Variants in GUCY2C observed in about 807,000 individuals in gnomAD.
The protein encoded by GUCY2C is guanylyl cyclase C.
A neutral mutation model predicts 131.1 loss-of-function variants in GUCY2C; 118 were observed. The observed-to-expected ratio is 0.90, with a 90% CI of 0.78 to 1.05. The LOEUF is 1.05. GUCY2C is among the 50% of genes least tolerant of loss of function. GUCY2C has a pLI of 0.00. For missense variants in GUCY2C, 1,161 were observed against 1,304.4 expected (o/e 0.89, Z 1.69); for synonymous variants, 452 against 457.8 (o/e 0.99, Z 0.16).
At position 14,639,965 on chromosome 12, in the gene GUCY2C, A is replaced by G. The variant is rs1427875436; in HGVS notation, c.2069-15T>C. 6.7e-7 allele frequency: 1 copy of G among 1,496,126 alleles called. No individual in the cohort carries two copies. Among genetic ancestry groups the G allele is most frequent in the Non-Finnish European group, 9.3e-7 (1 of 1,072,472 alleles). The allele number at this position is 1,496,126 out of a possible 1,614,324, so 92.7% of individuals were successfully genotyped here. A position where few individuals can be genotyped will look rare whatever the true frequency, so the allele number is the denominator to read the frequency against. On this transcript the variant is annotated splice_polypyrimidine_tract_variant and intron_variant, in intron 18 of 26. Coordinates refer to ENST00000261170, the MANE Select transcript of GUCY2C (RefSeq NM_004963.4). Reference sequence around the variant, plus strand: ...GAAAATCTTCTCTGGTTGGGTGAGAAAAATATAAATTACAAAGAAGAATAC... The same window carrying G: ...GAAAATCTTCTCTGGTTGGGTGAGAGAAATATAAATTACAAAGAAGAATAC...
chr12:14,679,130 T>A (rs1439306702), intron 6 of GUCY2C, among the ~76,000 whole-genome samples: 1 of 152,230 alleles, frequency 6.6e-6, no homozygotes, highest in African/African-American at 2.4e-5. Flanking sequence ...GGGGCTGACA[T>A]TACCAGGAAC....
intron 3 of GUCY2C, among the ~76,000 whole-genome samples, chr12:14,684,431 A>AT (rs1422316060): frequency 6.6e-6 from 1 of 151,654 alleles, no homozygotes; most frequent in Non-Finnish European, 1.5e-5. Context: ...CCTTCATAAG[A>AT]GTTTTTTCCT....
intron 5 of GUCY2C, among the ~76,000 whole-genome samples, chr12:14,680,815 T>A (rs1948334054): frequency 6.6e-6 from 1 of 152,202 alleles, no homozygotes; most frequent in South Asian, 2.1e-4. Context: ...TATCTGAGGA[T>A]AATTTTATAT....
intron 2 of GUCY2C, among the ~76,000 whole-genome samples, chr12:14,687,380 G>C (rs111540474): frequency 2.2e-4 from 34 of 152,314 alleles, no homozygotes; most frequent in Non-Finnish European, 5.0e-4. Flanking sequence ...AGCACTTTGG[G>C]AGGCCAATGG....
At chr12:14,640,944 G>T (rs143478193) in intron 18 of GUCY2C, 138 bp downstream of exon 18, 1 of 722,596 alleles carries the variant, frequency 1.4e-6, no homozygotes. Context: ...CTTATAAAAT[G>T]CATAATGCAG....
chr12:14,667,805 C>T (rs1948012228), intron 10 of GUCY2C, among the ~76,000 whole-genome samples: 1 of 152,106 alleles, frequency 6.6e-6, no homozygotes, highest in Admixed American at 6.6e-5. Context: ...GGACACCACT[C>T]TTAACAGTTT....
chr12:14,683,621 T>C (rs779869258), intron 3 of GUCY2C, among the ~76,000 whole-genome samples: 11 of 152,164 alleles, frequency 7.2e-5, no homozygotes, highest in Non-Finnish European at 1.6e-4. Context: ...AAAGATGCCA[T>C]CTACACTTTG....
chr12:14,672,624 T>C (rs1413147785), intron 9 of GUCY2C, among the ~76,000 whole-genome samples: 1 of 152,190 alleles, frequency 6.6e-6, no homozygotes, highest in African/African-American at 2.4e-5. Context: ...TACCTATCTA[T>C]ATGGATATTG....
intron 11 of GUCY2C, among the ~76,000 whole-genome samples, 185 bp downstream of exon 11, chr12:14,660,796 A>G (rs1947852212): frequency 6.6e-6 from 1 of 152,190 alleles, no homozygotes; most frequent in African/African-American, 2.4e-5. Flanking sequence ...TCAAAGCCCT[A>G]ATCTATTCAC....
chr12:14,681,930 G>A (rs2137091851), intron 4 of GUCY2C, among the ~76,000 whole-genome samples: 1 of 152,238 alleles, frequency 6.6e-6, no homozygotes, highest in South Asian at 2.1e-4. Flanking sequence ...AAAATGCAGA[G>A]TTGATAGGAA....
intron 19 of GUCY2C, among the ~76,000 whole-genome samples, chr12:14,630,463 G>C (rs888168): frequency 0.84 from 127,688 of 152,194 alleles, 57,618 homozygotes; most frequent in East Asian, 0.99. Flanking sequence ...GAAAAAACAG[G>C]ATGGTTTTGT....
chr12:14,676,384 A>T (rs1430710513), intron 7 of GUCY2C, among the ~76,000 whole-genome samples: 1 of 152,248 alleles, frequency 6.6e-6, no homozygotes, highest in African/African-American at 2.4e-5. Context: ...ACTTAATTAT[A>T]ATGGAAGACA....
intron 26 of GUCY2C, chr12:14,614,558 GA>G (rs977779349): frequency 0.022 from 4,754 of 219,686 alleles, no homozygotes; most frequent in South Asian, 0.032. Context: ...ATCCACAGTG[GA>G]AAAAAAAAAA....
At chr12:14,654,511 A>G (rs1368318582) in intron 12 of GUCY2C, among the ~76,000 whole-genome samples, 1 of 152,200 alleles carries the variant, frequency 6.6e-6, no homozygotes, top group Admixed American at 6.5e-5. Context: ...CTTTGAGTTT[A>G]CTGTCCCAAA....
intron 21 of GUCY2C, 85 bp downstream of exon 21, chr12:14,625,672 A>C: frequency 2.9e-6 from 4 of 1,376,602 alleles, no homozygotes; most frequent in Non-Finnish European, 4.0e-6. Context: ...TGAAGAATAT[A>C]TAAAAGGAAA....
chr12:14,658,003 A>C (rs558362040), intron 11 of GUCY2C, among the ~76,000 whole-genome samples: 60 of 152,308 alleles, frequency 3.9e-4, no homozygotes, highest in African/African-American at 1.3e-3. Flanking sequence ...TTTATGATGA[A>C]GGTGAAACAG....
chr12:14,641,107 G>T lies in GUCY2C; in HGVS notation c.2043C>A (p.Tyr681Ter). Residue 681 changes from tyrosine (Y) to a stop codon, truncating the protein, a stop_gained, in exon 18 of 27, where the codon TAC becomes TAA. Transcript: ENST00000261170. LOFTEE classifies it high-confidence loss of function. ...CATTCCGGTCCCGACAGCTCAAAGT[G>T]TAGAAGGTTTCTTTCCGCAGGATGA... ...QEIILRKETFYTLSCRDRNEK... is the reference protein window; with the variant it reads ...QEIILRKETF 6.2e-7 allele frequency: 1 copy of T among 1,613,678 alleles called. No homozygotes were observed. The highest frequency in any genetic ancestry group is 8.5e-7 in the Non-Finnish European group (1 of 1,179,896).
chr12:14,668,269 C>T (rs929284991), intron 10 of GUCY2C, among the ~76,000 whole-genome samples: 8 of 152,168 alleles, frequency 5.3e-5, no homozygotes, highest in Non-Finnish European at 1.0e-4. Context: ...CTCCTGGGTT[C>T]AAGCGATTCT....
At chr12:14,681,726 A>G (rs1948352131) in intron 4 of GUCY2C, among the ~76,000 whole-genome samples, 1 of 152,164 alleles carries the variant, frequency 6.6e-6, no homozygotes, top group Non-Finnish European at 1.5e-5. Context: ...ATCACAGTGT[A>G]TGTTCTAAAC....
Sources: allele counts gnomAD v4.1 joint callset (sites outside exome capture counted in the v4.1 genomes callset), GRCh38; gene constraint gnomAD v4.1.1; transcripts MANE v1.5; gene names NCBI Gene and HGNC (gene_info 2026-07-23, HGNC 2026-07-21).